The following RASGEF1A variants were observed in gnomAD, a reference collection of about 807,000 sequenced individuals.
The protein encoded by RASGEF1A is RasGEF domain family member 1A, also known as ras-GEF domain-containing family member 1A.
Under a neutral mutation model 56.4 loss-of-function variants are expected in RASGEF1A, and 18 were observed. The observed-to-expected ratio is 0.32, with a 90% CI of 0.22 to 0.47. The LOEUF is 0.47. RASGEF1A is among the 20% of genes least tolerant of loss of function. The probability of loss-of-function intolerance (pLI) is 1.00; values close to 1 mark genes in which losing one functional copy is unlikely to be tolerated. For missense variants in RASGEF1A, 422 were observed against 627.1 expected, an observed-to-expected ratio of 0.67 and a Z score of 3.49; for synonymous variants, 245 against 242.6, an observed-to-expected ratio of 1.01 and a Z score of -0.09.
chr10:43,203,172 C>T (rs1301268317), intron 3 of RASGEF1A, 126 bp downstream of exon 3: 6 of 980,098 alleles, frequency 6.1e-6, no homozygotes, highest in Non-Finnish European at 8.9e-6. Flanking sequence ...AGGCCAAGCC[C>T]CAACTCTAGC....
At chr10:43,247,301 C>T (rs1840575921) in intron 1 of RASGEF1A, among the ~76,000 whole-genome samples, 1 of 152,094 alleles carries the variant, frequency 6.6e-6, no homozygotes, top group Non-Finnish European at 1.5e-5. Context: ...AACTCTCATA[C>T]TTTGCTGGTA....
chr10:43,253,323 A>T (rs1338204120), intron 1 of RASGEF1A, among the ~76,000 whole-genome samples: 2 of 152,170 alleles, frequency 1.3e-5, no homozygotes, highest in Non-Finnish European at 2.9e-5. Flanking sequence ...TGCCTTGCTC[A>T]CCTCATGTGA....
intron 1 of RASGEF1A, among the ~76,000 whole-genome samples, chr10:43,260,986 C>G (rs1275145250): frequency 6.6e-6 from 1 of 152,200 alleles, no homozygotes; most frequent in Non-Finnish European, 1.5e-5. Context: ...TTTGTGCGGG[C>G]ATCTCCGAGC....
intron 1 of RASGEF1A, among the ~76,000 whole-genome samples, chr10:43,224,937 T>C (rs1346143100): frequency 1.3e-5 from 2 of 152,242 alleles, no homozygotes; most frequent in East Asian, 3.8e-4. Flanking sequence ...CTACCTCCCC[T>C]GGGCATATGT....
chr10:43,243,062 C>T (rs1401132906), intron 1 of RASGEF1A, among the ~76,000 whole-genome samples: 2 of 151,490 alleles, frequency 1.3e-5, no homozygotes, highest in East Asian at 3.9e-4. Context: ...CTCTGCCCGG[C>T]CGCCACCCCA....
chr10:43,240,946 G>C (rs1377276240), intron 1 of RASGEF1A, among the ~76,000 whole-genome samples: 4 of 152,164 alleles, frequency 2.6e-5, no homozygotes, highest in Admixed American at 2.6e-4. Flanking sequence ...AATACTGAAA[G>C]AAAAGAGGTG....
intron 1 of RASGEF1A, among the ~76,000 whole-genome samples, chr10:43,260,939 G>C (rs1316918285): frequency 1.3e-5 from 2 of 152,108 alleles, no homozygotes; most frequent in Non-Finnish European, 2.9e-5. Flanking sequence ...TTGCACTGTA[G>C]TCGGAACACT....
intron 1 of RASGEF1A, chr10:43,206,576 C>T (rs1328631546): frequency 7.0e-6 from 7 of 1,000,990 alleles, no homozygotes; most frequent in African/African-American, 3.5e-5. Flanking sequence ...ATGTGTGCAG[C>T]GGGGAGCTGG....
At position 43,196,053 on chromosome 10, in the gene RASGEF1A, T is replaced by C. The variant is rs1237997465; in HGVS notation, c.*191A>G. The C allele has an allele frequency of 1.9e-6, 1 of 520,838 alleles. No individual in the cohort carries two copies. Among genetic ancestry groups the C allele is most frequent in the Non-Finnish European group, 3.4e-6 (1 of 296,906 alleles). The allele number at this position is 520,838 out of a possible 1,614,324, so 32.3% of individuals were successfully genotyped here. Reference sequence around the variant, plus strand: ...CCCAAAGCAGGGCCCTGCCCTGTTATTTAAAATAAACAAAAAAAACTTTGT... The same window carrying C: ...CCCAAAGCAGGGCCCTGCCCTGTTACTTAAAATAAACAAAAAAAACTTTGT... On this transcript the variant is annotated 3_prime_UTR_variant, in exon 13 of 13. Transcript: ENST00000395810. This position sits in a 1 kb window ranked among gnomAD's most constrained non-coding sequence, Gnocchi z 4.6.
chr10:43,224,365 G>C (rs1840246262), intron 1 of RASGEF1A, among the ~76,000 whole-genome samples: 1 of 152,090 alleles, frequency 6.6e-6, no homozygotes, highest in Admixed American at 6.5e-5. Flanking sequence ...CAGCAACATA[G>C]CAACACATCA....
intron 1 of RASGEF1A, among the ~76,000 whole-genome samples, chr10:43,254,602 C>T (rs949836119): frequency 2.2e-4 from 33 of 152,194 alleles, no homozygotes; most frequent in Admixed American, 2.0e-3. Flanking sequence ...CAGTGACACC[C>T]GGCCTCTGGG....
intron 1 of RASGEF1A, among the ~76,000 whole-genome samples, chr10:43,227,449 C>A (rs1404540861): frequency 2.0e-5 from 3 of 152,202 alleles, no homozygotes; most frequent in Admixed American, 2.0e-4. Context: ...TGCTCTCCTT[C>A]CCCTGGCCTG....
At chr10:43,213,010 G>A (rs1045256385) in intron 1 of RASGEF1A, among the ~76,000 whole-genome samples, 1 of 152,212 alleles carries the variant, frequency 6.6e-6, no homozygotes, top group East Asian at 1.9e-4. Context: ...CAAGACCAAC[G>A]CTGCATGTTC....
intron 1 of RASGEF1A, among the ~76,000 whole-genome samples, chr10:43,239,963 GA>G (rs1802181946): frequency 6.6e-6 from 1 of 152,322 alleles, no homozygotes; most frequent in Non-Finnish European, 1.5e-5. Context: ...TAGGGGTTTT[GA>G]AAAACTGCAG....
chr10:43,196,851 G>C lies in RASGEF1A; in HGVS notation c.1348+125C>G. The stretch of plus-strand genomic sequence containing the variant: ...TCATGCACACTCGCCCCTGCGAGCA[G>C]AGCCAGCCCTGTGTGGCATGGAGCA... On this transcript the variant is annotated intron_variant, in intron 11 of 12. Transcript: ENST00000395810. This position sits in a 1 kb window ranked among gnomAD's most constrained non-coding sequence, Gnocchi z 4.6. 8.2e-7 allele frequency: 1 copy of C among 1,226,860 alleles called. No individual in the cohort carries two copies. The highest frequency in any genetic ancestry group is 1.1e-6 in the Non-Finnish European group (1 of 879,590). 76.0% of individuals were successfully genotyped at this position (1,226,860 alleles called of 1,614,324 possible).
chr10:43,207,657 G>A (rs1840015677), intron 1 of RASGEF1A: 5 of 985,414 alleles, frequency 5.1e-6, no homozygotes, highest in Non-Finnish European at 6.0e-6. Context: ...GGAGGTCATG[G>A]CTCAGACTCA....
At chr10:43,219,156 C>T (rs1019081512) in intron 1 of RASGEF1A, among the ~76,000 whole-genome samples, 3 of 152,332 alleles carry the variant, frequency 2.0e-5, no homozygotes, top group African/African-American at 7.2e-5. Flanking sequence ...CCACTCCAGC[C>T]GCCTGGGGAG....
intron 1 of RASGEF1A, among the ~76,000 whole-genome samples, chr10:43,212,706 G>T (rs768024407): frequency 6.6e-6 from 1 of 152,246 alleles, no homozygotes; most frequent in Non-Finnish European, 1.5e-5. Context: ...GCTCAGCCTG[G>T]GTGAGGGACT....
intron 10 of RASGEF1A, among the ~76,000 whole-genome samples, chr10:43,197,507 C>A (rs1839818765): frequency 6.6e-6 from 1 of 152,206 alleles, no homozygotes; most frequent in Non-Finnish European, 1.5e-5. Flanking sequence ...CCACACCTCA[C>A]CTGTGTGAGG....
Sources: gnomAD v4.1 joint callset for allele counts (sites outside exome capture counted in the v4.1 genomes callset) on GRCh38, gnomAD v4.1.1 for gene constraint, Gnocchi (gnomAD v3.1) non-coding constraint, MANE v1.5 for transcripts, NCBI Gene and HGNC (gene_info 2026-07-23, HGNC 2026-07-21) for gene names.